DCK: variants seen among roughly 807,000 people sequenced by gnomAD.
The protein encoded by DCK is deoxyadenosine kinase.
A neutral mutation model predicts 38.3 loss-of-function variants in DCK; 23 were observed. The ratio of observed to expected loss-of-function variants is 0.60; its 90% CI spans 0.43 to 0.85. DCK has a LOEUF of 0.85. Among genes scored for constraint, DCK ranks in the 40% least tolerant of loss-of-function variants. The pLI, the probability that DCK is intolerant of heterozygous loss-of-function variation, is 0.00. For synonymous variants in DCK, 108 were observed against 100.6 expected (o/e 1.07, Z -0.44); for missense variants, 259 against 304.4 (o/e 0.85, Z 1.11).
At chr4:71,001,131 T>G (rs1363987809) in intron 2 of DCK, among the ~76,000 whole-genome samples, 1 of 151,616 alleles carries the variant, frequency 6.6e-6, no homozygotes, top group Non-Finnish European at 1.5e-5. Context: ...GGGTTTGTCA[T>G]AAATAGCTCT....
rs1740646973 is a variant in DCK at position 71,030,057 on chromosome 4, G to A, written c.*679G>A. 6.6e-6 allele frequency: 1 copy of A among 152,404 alleles called. No individual in the cohort carries two copies. The highest frequency in any genetic ancestry group is 6.6e-5 in the Admixed American group (1 of 15,258). 9.4% of individuals were successfully genotyped at this position (152,404 alleles called of 1,614,324 possible). A position where few individuals can be genotyped will look rare whatever the true frequency, so the allele number is the denominator to read the frequency against. ...CTTTGTAGTTTGCTTTGCTTTGTAG[G>A]GTTCTGCTTTTAAGTTTTTCTCTTT... On this transcript the variant is annotated 3_prime_UTR_variant, in exon 7 of 7. Coordinates refer to ENST00000286648, the MANE Select transcript of DCK (RefSeq NM_000788.3).
chr4:71,006,636 C>T (rs1421629738), intron 2 of DCK, among the ~76,000 whole-genome samples: 3 of 151,954 alleles, frequency 2.0e-5, no homozygotes, highest in Non-Finnish European at 2.9e-5. Context: ...AGGGTGACCC[C>T]GTCTCTACAA....
intron 2 of DCK, among the ~76,000 whole-genome samples, chr4:71,021,367 G>A (rs1375640863): frequency 4.6e-5 from 7 of 152,166 alleles, no homozygotes; most frequent in African/African-American, 7.2e-5. Context: ...GAGCCACCGC[G>A]CCCGGCCTGC....
chr4:71,025,124 C>A (rs1166205660), intron 4 of DCK, among the ~76,000 whole-genome samples: 3 of 152,020 alleles, frequency 2.0e-5, no homozygotes. Flanking sequence ...GGTATATGAG[C>A]CCCCACAAAT....
At chr4:71,018,821 G>A (rs1459991657) in intron 2 of DCK, among the ~76,000 whole-genome samples, 1 of 151,796 alleles carries the variant, frequency 6.6e-6, no homozygotes, top group Middle Eastern at 3.4e-3. Flanking sequence ...ACAGGTGCAC[G>A]CCACCATACC....
rs566762072 is a variant in DCK at position 70,995,570 on chromosome 4, C to T, written c.91+1644C>T. 2.4e-4 allele frequency among the ~76,000 whole-genome samples: 36 copies of T among 150,526 alleles called. No homozygotes were observed. The South Asian group carries it at 7.3e-3, about 30-fold the overall frequency. Reference sequence around the variant, plus strand: ...CTCTAGCCTGGGTGACAGAGCAAGACTCTGTTAAAAACACAGAAACAAAAC... The same window carrying T: ...CTCTAGCCTGGGTGACAGAGCAAGATTCTGTTAAAAACACAGAAACAAAAC... On this transcript the variant is annotated intron_variant, in intron 1 of 6. Coordinates refer to ENST00000286648, the MANE Select transcript of DCK (RefSeq NM_000788.3).
In DCK at chr4:71,025,970, T is replaced by C. The variant is rs746354549; in HGVS notation, c.665+39T>C. The C allele has an allele frequency of 9.5e-6, 14 of 1,475,340 alleles. No individual in the cohort carries two copies. The East Asian group carries it at 3.4e-4, about 36-fold the overall frequency. 91.4% of individuals were successfully genotyped at this position (1,475,340 alleles called of 1,614,324 possible). ...TTATTTACTATTCATTTTAAATACC[T>C]TTGTTACCTTTGTTAAATTTTAATC... On this transcript the variant is annotated intron_variant, in intron 5 of 6. Transcript: ENST00000286648.
chr4:71,016,498 A>C (rs1433447046), intron 2 of DCK, among the ~76,000 whole-genome samples: 2 of 152,336 alleles, frequency 1.3e-5, no homozygotes, highest in East Asian at 3.9e-4. Flanking sequence ...CCAAAAGAAC[A>C]AAGCTGGAGG....
intron 6 of DCK, 72 bp from the exon 7 acceptor site, chr4:71,029,280 A>C: frequency 1.0e-6 from 1 of 990,266 alleles, no homozygotes; most frequent in Non-Finnish European, 1.5e-6. Context: ...TATACTTTTA[A>C]ATGAAGATGA....
chr4:71,026,074 A>T (rs1454527392), intron 5 of DCK, 143 bp downstream of exon 5: 12 of 1,012,722 alleles, frequency 1.2e-5, no homozygotes, highest in Admixed American at 3.6e-5. Context: ...AACTAGGTAT[A>T]GATTTTCATT....
In DCK at chr4:71,028,212, C is replaced by T. The variant is rs1166279800; in HGVS notation, c.757-1140C>T. 1.3e-5 allele frequency among the ~76,000 whole-genome samples: 2 copies of T among 152,196 alleles called. 1 individual carries two copies. The highest frequency in any genetic ancestry group is 4.1e-4 in the South Asian group (2 of 4,832). ...GAACTATTGTGCTTATTAATGTTAT[C>T]AGTGTTAAAGCTGCATATGTCAGTG... On this transcript the variant is annotated intron_variant, in intron 6 of 6. Coordinates refer to ENST00000286648, the MANE Select transcript of DCK (RefSeq NM_000788.3).
intron 6 of DCK, chr4:71,028,518 C>T: frequency 2.8e-6 from 1 of 360,926 alleles, no homozygotes; most frequent in Non-Finnish European, 5.5e-6. Context: ...CCACTGTACT[C>T]AGCCTGGGTG....
At chr4:71,002,402 G>A (rs553649951) in intron 2 of DCK, among the ~76,000 whole-genome samples, 75 of 152,254 alleles carry the variant, frequency 4.9e-4, no homozygotes, top group Admixed American at 1.8e-3. Context: ...CAATTTTAGA[G>A]TAAGTGCACT....
intron 2 of DCK, among the ~76,000 whole-genome samples, chr4:71,001,391 G>A (rs781100553): frequency 3.9e-5 from 6 of 152,178 alleles, no homozygotes; most frequent in Non-Finnish European, 7.3e-5. Context: ...CGGTTTGCCA[G>A]TATTTTATTG....
chr4:70,994,373 T>G (rs1209250914), intron 1 of DCK, among the ~76,000 whole-genome samples: 2 of 152,188 alleles, frequency 1.3e-5, no homozygotes, highest in Non-Finnish European at 2.9e-5. Context: ...ACCTGCTCCT[T>G]TGTATTCAGC....
intron 1 of DCK, among the ~76,000 whole-genome samples, chr4:70,996,560 G>A (rs1739665864): frequency 1.3e-5 from 2 of 152,200 alleles, no homozygotes; most frequent in Middle Eastern, 6.8e-3. Flanking sequence ...GACTTTGTTA[G>A]TTACTGTTCA....
At position 71,021,446 on chromosome 4, in the gene DCK, C is replaced by G. The variant is rs578043609; in HGVS notation, c.208-921C>G. ...TTTAAAATTTACATTTGTATTTTTC[C>G]TCAACATGTAAAATGTGGTTCTAAC... On this transcript the variant is annotated intron_variant, in intron 2 of 6. Coordinates refer to ENST00000286648, the MANE Select transcript of DCK (RefSeq NM_000788.3). 5.9e-5 allele frequency among the ~76,000 whole-genome samples: 9 copies of G among 152,226 alleles called. No individual in the cohort carries two copies. In the South Asian group the frequency reaches 1.9e-3, roughly 32 times the overall value.
chr4:71,002,742 G>T (rs551608125), intron 2 of DCK, among the ~76,000 whole-genome samples: 14 of 152,058 alleles, frequency 9.2e-5, no homozygotes, highest in African/African-American at 3.4e-4. Flanking sequence ...CATGCTTATT[G>T]ATTTAAAGTC....
chr4:71,016,280 A>C (rs1473720300), intron 2 of DCK, among the ~76,000 whole-genome samples: 1 of 152,218 alleles, frequency 6.6e-6, no homozygotes, highest in Admixed American at 6.5e-5. Context: ...AATGAAACAA[A>C]AGAGGACACA....
Sources: allele counts gnomAD v4.1 joint callset (sites outside exome capture counted in the v4.1 genomes callset), GRCh38; gene constraint gnomAD v4.1.1; transcripts MANE v1.5; gene names NCBI Gene and HGNC (gene_info 2026-07-23, HGNC 2026-07-21).